The following GSE1 variants were observed in gnomAD, a reference collection of about 807,000 sequenced individuals.
GSE1 encodes the protein genetic suppressor element 1.
A neutral mutation model predicts 112.6 loss-of-function variants in GSE1; 32 were observed. That is an observed-to-expected ratio of 0.28 (90% CI 0.21 to 0.38). The LOEUF (loss-of-function observed/expected upper bound fraction) is 0.38. Ranked by LOEUF, GSE1 falls within the 10% of genes least tolerant of loss-of-function variation. The pLI is 1.00. For synonymous variants in GSE1, 1,115 were observed against 735.6 expected (o/e 1.52, Z -8.35); for missense variants, 2,348 against 1,699.2 (o/e 1.38, Z -6.71).
intron 1 of GSE1, among the ~76,000 whole-genome samples, chr16:85,326,689 A>G (rs2151508683): frequency 6.6e-6 from 1 of 152,262 alleles, no homozygotes; most frequent in African/African-American, 2.4e-5. Flanking sequence ...TCAATTCCTC[A>G]GTCTCGGATA....
At chr16:85,307,983 A>G (rs986609613) in intron 1 of GSE1, among the ~76,000 whole-genome samples, 61 of 152,198 alleles carry the variant, frequency 4.0e-4, no homozygotes, top group African/African-American at 1.4e-3. Context: ...AGCAGGTTCT[A>G]GATCCTCAGG....
intron 1 of GSE1, among the ~76,000 whole-genome samples, chr16:85,186,238 G>A (rs1463678958): frequency 6.6e-6 from 1 of 152,172 alleles, no homozygotes; most frequent in Non-Finnish European, 1.5e-5. Flanking sequence ...TGAGAGGCAA[G>A]GCAGGAGAAT....
chr16:85,384,981 C>T (rs575929566), intron 2 of GSE1, among the ~76,000 whole-genome samples: 19 of 152,390 alleles, frequency 1.2e-4, no homozygotes, highest in Admixed American at 5.9e-4. Flanking sequence ...ACACCTGCCC[C>T]GCCCGCCCTG....
Position 85,672,634 on chromosome 16 carries a change from C to A in GSE1, c.*95C>A. ...ATATTTTTCACTGGGAGGTTTGAAG[C>A]TTACAAAATGAGAATGTGCCATGCA... On this transcript the variant is annotated 3_prime_UTR_variant, in exon 16 of 16. Transcript: ENST00000253458. The A allele has an allele frequency of 1.1e-6, 1 of 902,758 alleles. No individual in the cohort carries two copies. The highest frequency in any genetic ancestry group is 1.6e-6 in the Non-Finnish European group (1 of 636,986). The allele number at this position is 902,758 out of a possible 1,614,324, so 55.9% of individuals were successfully genotyped here. A position where few individuals can be genotyped will look rare whatever the true frequency, so the allele number is the denominator to read the frequency against.
At position 85,534,368 on chromosome 16, in the gene GSE1, C is replaced by G. The variant is rs552953464; in HGVS notation, c.2465-99546C>G. Among the ~76,000 whole-genome samples, 379 of 152,166 alleles carry G rather than the reference C, an allele frequency of 2.5e-3. 2 individuals carry two copies. The highest frequency in any genetic ancestry group is 8.7e-3 in the African/African-American group (360 of 41,532). On this transcript the variant is annotated intron_variant, in intron 2 of 2. Coordinates refer to the GSE1 transcript ENST00000637419. ...AACTCCTGACCTCAAGTGATCCGCC[C>G]ACCTCGGCCTCCCAAAGTGCTGGGA...
intron 1 of GSE1, among the ~76,000 whole-genome samples, chr16:85,619,308 G>C (rs1176309948): frequency 6.6e-6 from 1 of 152,198 alleles, no homozygotes; most frequent in Non-Finnish European, 1.5e-5. Context: ...CAGCAATGAA[G>C]GGTATCGACC....
At position 85,188,932 on chromosome 16, in the gene GSE1, G is replaced by A. The variant is rs142615604; in HGVS notation, c.2283+17125G>A. On this transcript the variant is annotated intron_variant, in intron 1 of 2. Transcript: ENST00000637419. ...ATTTAATGCAAAATCTGGTGCATAT[G>A]TGCATTTTCTGGAGAGAGGATCAGT... 4.8e-3 allele frequency among the ~76,000 whole-genome samples: 727 copies of A among 152,212 alleles called. 8 individuals are homozygous for A. The highest frequency in any genetic ancestry group is 0.015 in the African/African-American group (620 of 41,538).
intron 1 of GSE1, among the ~76,000 whole-genome samples, chr16:85,560,454 C>T (rs1567589511): frequency 6.6e-6 from 1 of 152,146 alleles, no homozygotes; most frequent in Non-Finnish European, 1.5e-5. Context: ...GGGACCTGAA[C>T]TCTTGTCTTT....
At chr16:85,465,819 G>T (rs1470610460) in intron 2 of GSE1, among the ~76,000 whole-genome samples, 1 of 152,236 alleles carries the variant, frequency 6.6e-6, no homozygotes, top group Non-Finnish European at 1.5e-5. Flanking sequence ...AAGCTACTGA[G>T]TATGTAGTAG....
chr16:85,554,988 C>T, upstream of GSE1: 1 of 985,374 alleles, frequency 1.0e-6, no homozygotes, highest in Non-Finnish European at 1.2e-6. Flanking sequence ...GCTCCCCGTC[C>T]GCATGGATCT....
At chr16:85,189,662 G>C (rs74031718) in intron 1 of GSE1, among the ~76,000 whole-genome samples, 1 of 152,220 alleles carries the variant, frequency 6.6e-6, no homozygotes, top group Non-Finnish European at 1.5e-5. Context: ...TTCTTAAGTA[G>C]ATGGGAAACT....
chr16:85,169,823 C>T (rs1229219747), exon 1 of GSE1: 3 of 984,318 alleles, frequency 3.0e-6, no homozygotes, highest in African/African-American at 1.8e-5. Flanking sequence ...CAGTGGGCCG[C>T]CTTCGAGCGC....
intron 1 of GSE1, among the ~76,000 whole-genome samples, chr16:85,334,774 A>C (rs999635829): frequency 2.0e-5 from 3 of 152,218 alleles, no homozygotes; most frequent in Admixed American, 2.0e-4. Flanking sequence ...CAGCGTATTC[A>C]CTGCCGGTTA....
intron 2 of GSE1, among the ~76,000 whole-genome samples, chr16:85,416,983 TGGCTG>T (rs57469023): frequency 0.18 from 26,789 of 152,186 alleles, 2,959 homozygotes; most frequent in East Asian, 0.33. Flanking sequence ...GCCTCCTGGG[TGGCTG>T]GGAGTACAGG....
At chr16:85,342,938 A>G (rs2046655991) in intron 1 of GSE1, among the ~76,000 whole-genome samples, 1 of 151,670 alleles carries the variant, frequency 6.6e-6, no homozygotes, top group Admixed American at 6.6e-5. Flanking sequence ...AAGGGGGGCC[A>G]GCAGAGAAAG....
chr16:85,218,341 C>T (rs914283561), intron 1 of GSE1, among the ~76,000 whole-genome samples: 1 of 152,200 alleles, frequency 6.6e-6, no homozygotes, highest in Non-Finnish European at 1.5e-5. Context: ...GGATGGGCTG[C>T]TGAACCTTCC....
At chr16:85,343,664 C>T (rs1278304628) in intron 1 of GSE1, among the ~76,000 whole-genome samples, 2 of 152,136 alleles carry the variant, frequency 1.3e-5, no homozygotes, top group Non-Finnish European at 2.9e-5. Flanking sequence ...GTGGGAGGAT[C>T]GCTTGAGCCC....
chr16:85,585,000 C>A (rs947516875), intron 1 of GSE1, among the ~76,000 whole-genome samples: 4 of 152,122 alleles, frequency 2.6e-5, no homozygotes, highest in African/African-American at 9.7e-5. Context: ...CCAGGGAAGT[C>A]CGAAGACCTC....
intron 1 of GSE1, among the ~76,000 whole-genome samples, chr16:85,351,871 T>C (rs1000005002): frequency 1.3e-5 from 2 of 152,050 alleles, no homozygotes; most frequent in African/African-American, 2.4e-5. Context: ...CCACCTGTAG[T>C]CCCAGCTACT....
Sources: gnomAD v4.1 joint callset for allele counts (sites outside exome capture counted in the v4.1 genomes callset) on GRCh38, gnomAD v4.1.1 for gene constraint, MANE v1.5 for transcripts, NCBI Gene and HGNC (gene_info 2026-07-23, HGNC 2026-07-21) for gene names.